ELAVL4: variants seen among roughly 807,000 people sequenced by gnomAD.
ELAVL4 encodes ELAV-like protein 4.
In ELAVL4, 1 loss-of-function variant was observed where a neutral mutation model predicts 35.6. That is an observed-to-expected ratio of 0.03 (90% confidence interval 0.01 to 0.13). The LOEUF is 0.13. Among genes scored for constraint, ELAVL4 ranks in the 10% least tolerant of loss-of-function variants. The probability of loss-of-function intolerance (pLI) is 1.00; values close to 1 mark genes in which losing one functional copy is unlikely to be tolerated. For synonymous variants in ELAVL4, 156 were observed against 171.0 expected, an observed-to-expected ratio of 0.91 and a Z score of 0.69; for missense variants, 267 against 464.9, an observed-to-expected ratio of 0.57 and a Z score of 3.91.
Position 50,168,977 on chromosome 1 carries a change from T to C in ELAVL4, c.251-8112T>C, listed in dbSNP as rs533088136. Reference sequence around the variant, plus strand: ...ATATATATATATACACACACACATATATATATGTATATATATATATATAAA... The same window carrying C: ...ATATATATATATACACACACACATACATATATGTATATATATATATATAAA... On this transcript the variant is annotated intron_variant, in intron 2 of 6. Transcript: ENST00000371824. Among the ~76,000 whole-genome samples, 85 of 148,114 alleles carry C rather than the reference T, an allele frequency of 5.7e-4. 1 individual carries two copies. The highest frequency in any genetic ancestry group is 1.9e-3 in the African/African-American group (78 of 40,188).
At chr1:50,174,603 G>A (rs531320120) in intron 2 of ELAVL4, 1 of 151,920 alleles carries the variant, frequency 6.6e-6, no homozygotes, top group Admixed American at 6.6e-5. Context: ...CAGGAACTAA[G>A]GTGATGGTGG....
At chr1:50,172,305 T>C (rs889635091) in intron 2 of ELAVL4, among the ~76,000 whole-genome samples, 1 of 152,214 alleles carries the variant, frequency 6.6e-6, no homozygotes, top group Non-Finnish European at 1.5e-5. Flanking sequence ...AGATTAAATA[T>C]AACAAAAATG....
intron 1 of ELAVL4, among the ~76,000 whole-genome samples, chr1:50,089,736 C>T (rs924158166): frequency 6.6e-6 from 1 of 152,216 alleles, no homozygotes; most frequent in Non-Finnish European, 1.5e-5. Flanking sequence ...GCCTGGGCGA[C>T]AGAGTGAGAC....
At chr1:50,181,883 G>A (rs1188301295) in intron 3 of ELAVL4, among the ~76,000 whole-genome samples, 2 of 152,054 alleles carry the variant, frequency 1.3e-5, no homozygotes, top group African/African-American at 2.4e-5. Context: ...GGGTTTCTCC[G>A]TGTTGGTCAG....
At chr1:50,131,641 T>A (rs994129987) in intron 1 of ELAVL4, among the ~76,000 whole-genome samples, 3 of 151,828 alleles carry the variant, frequency 2.0e-5, no homozygotes, top group African/African-American at 7.3e-5. Context: ...TACAAAAAAA[T>A]TAGCTGGGCT....
At chr1:50,102,724 T>C (rs1666054069), upstream of ELAVL4, among the ~76,000 whole-genome samples, 2 of 152,140 alleles carry the variant, frequency 1.3e-5, no homozygotes, top group African/African-American at 2.4e-5. Flanking sequence ...TTTGTTTTGG[T>C]TTTTTATTTT....
At chr1:50,194,638 C>T (rs775512906) in intron 4 of ELAVL4, among the ~76,000 whole-genome samples, 17 of 152,074 alleles carry the variant, frequency 1.1e-4, no homozygotes, top group Non-Finnish European at 1.6e-4. Flanking sequence ...GCAGAGGGAC[C>T]CTGGAGACCA....
At chr1:50,069,075 C>T (rs1349938095) in intron 1 of ELAVL4, among the ~76,000 whole-genome samples, 1 of 152,222 alleles carries the variant, frequency 6.6e-6, no homozygotes, top group Non-Finnish European at 1.5e-5. Flanking sequence ...CTTTCTACTA[C>T]ATCCTGCTGT....
chr1:50,142,077 C>A (rs1157542995), intron 1 of ELAVL4, among the ~76,000 whole-genome samples: 1 of 152,236 alleles, frequency 6.6e-6, no homozygotes, highest in Admixed American at 6.5e-5. Context: ...TATCTCTCAT[C>A]CTGAAGATAA....
intron 3 of ELAVL4, among the ~76,000 whole-genome samples, chr1:50,185,006 T>A (rs1681612243): frequency 1.3e-5 from 2 of 152,240 alleles, no homozygotes; most frequent in Non-Finnish European, 2.9e-5. Flanking sequence ...ACACTAGGCA[T>A]GTTTGAAGTG....
At chr1:50,118,350 A>G (rs1427853485) in intron 1 of ELAVL4, among the ~76,000 whole-genome samples, 7 of 152,192 alleles carry the variant, frequency 4.6e-5, no homozygotes, top group African/African-American at 1.7e-4. Context: ...GTAACTTGCC[A>G]TCAGTTTTCC....
In ELAVL4 at chr1:50,179,339, C is replaced by T. The variant is rs370186688; in HGVS notation, c.354+2147C>T. Reference sequence around the variant, plus strand: ...ATGTGCAAACCTGGGGACTTCAGCCCTTTCATTAAAGCAGTTTATTTGCTG... The same window carrying T: ...ATGTGCAAACCTGGGGACTTCAGCCTTTTCATTAAAGCAGTTTATTTGCTG... On this transcript the variant is annotated intron_variant, in intron 3 of 6. Coordinates refer to ENST00000371824, the MANE Select transcript of ELAVL4 (RefSeq NM_001144774.3). Among the ~76,000 whole-genome samples, 21 of 152,056 alleles carry T rather than the reference C, an allele frequency of 1.4e-4. No individual in the cohort carries two copies. In the East Asian group the frequency reaches 1.9e-3, roughly 14 times the overall value.
chr1:50,176,445 T>C (rs1680046929), intron 2 of ELAVL4, among the ~76,000 whole-genome samples: 1 of 152,210 alleles, frequency 6.6e-6, no homozygotes, highest in African/African-American at 2.4e-5. Context: ...TCCCTCTGAA[T>C]GTGGGTGTGG....
At chr1:50,160,350 C>T (rs939311118) in intron 2 of ELAVL4, among the ~76,000 whole-genome samples, 1 of 152,118 alleles carries the variant, frequency 6.6e-6, no homozygotes, top group Non-Finnish European at 1.5e-5. Context: ...GTTTTTATGT[C>T]TTTATTTTGC....
chr1:50,094,259 A>G (rs888955607), intron 1 of ELAVL4, among the ~76,000 whole-genome samples: 9 of 152,210 alleles, frequency 5.9e-5, no homozygotes, highest in African/African-American at 2.2e-4. Context: ...AAGACTATGA[A>G]TCTACATACA....
At chr1:50,113,164 T>C (rs1387435954) in intron 1 of ELAVL4, among the ~76,000 whole-genome samples, 3 of 152,098 alleles carry the variant, frequency 2.0e-5, no homozygotes, top group Non-Finnish European at 4.4e-5. Flanking sequence ...TGAATTGAGA[T>C]GTTTTTCTCA....
chr1:50,126,079 C>T (rs1023372729), intron 1 of ELAVL4, among the ~76,000 whole-genome samples: 1 of 152,002 alleles, frequency 6.6e-6, no homozygotes, highest in Non-Finnish European at 1.5e-5. Flanking sequence ...AGCTCAGTCC[C>T]CCTAGGGTGT....
chr1:50,078,040 C>A (rs1467140592), intron 1 of ELAVL4, among the ~76,000 whole-genome samples: 1 of 151,852 alleles, frequency 6.6e-6, no homozygotes, highest in African/African-American at 2.4e-5. Flanking sequence ...GTTTCCTCTT[C>A]TCTGAAATGG....
chr1:50,106,494 G>A, upstream of ELAVL4: 2 of 876,166 alleles, frequency 2.3e-6, no homozygotes, highest in South Asian at 3.0e-5. Flanking sequence ...CTGTGGTGGT[G>A]GATTGTGGCA....
Sources: gnomAD v4.1 joint callset for allele counts (sites outside exome capture counted in the v4.1 genomes callset) on GRCh38, gnomAD v4.1.1 for gene constraint, MANE v1.5 for transcripts, NCBI Gene and HGNC (gene_info 2026-07-23, HGNC 2026-07-21) for gene names.